Variants in ADAMTS12 observed in about 807,000 individuals in gnomAD.
The protein encoded by ADAMTS12 is A disintegrin and metalloproteinase with thrombospondin motifs 12.
Under a neutral mutation model 167.8 loss-of-function variants are expected in ADAMTS12, and 118 were observed. The observed-to-expected ratio is 0.70, with a 90% CI of 0.61 to 0.82. ADAMTS12 has a LOEUF of 0.82. Ranked by LOEUF, ADAMTS12 falls within the 40% of genes least tolerant of loss-of-function variation. The pLI is 0.00. For synonymous variants in ADAMTS12, 704 were observed against 716.9 expected (o/e 0.98, Z 0.29); for missense variants, 1,916 against 1,998.8 (o/e 0.96, Z 0.79).
At chr5:33,566,790 C>T (rs1746036695) in intron 19 of ADAMTS12, among the ~76,000 whole-genome samples, 1 of 152,148 alleles carries the variant, frequency 6.6e-6, no homozygotes, top group South Asian at 2.1e-4. Flanking sequence ...TTTGGTTTGG[C>T]CATGAGACCT....
At chr5:33,632,412 C>CAAACAAACAAACAAACAAAA (rs2112149756) in intron 12 of ADAMTS12, among the ~76,000 whole-genome samples, 1 of 151,994 alleles carries the variant, frequency 6.6e-6, no homozygotes, top group East Asian at 1.9e-4. Flanking sequence ...AACAAACAAA[C>CAAACAAACAAACAAACAAAA]AAAAAAGCTT....
chr5:33,553,440 A>G (rs770288114), intron 20 of ADAMTS12, among the ~76,000 whole-genome samples: 1 of 152,228 alleles, frequency 6.6e-6, no homozygotes, highest in Non-Finnish European at 1.5e-5. Context: ...CACTATTCAC[A>G]ATAGCAAAGA....
intron 18 of ADAMTS12, among the ~76,000 whole-genome samples, chr5:33,586,256 T>G (rs190255561): frequency 4.3e-4 from 65 of 152,348 alleles, no homozygotes; most frequent in Non-Finnish European, 6.9e-4. Context: ...GTCAAAGACA[T>G]TTCATCATAC....
At chr5:33,537,852 A>T (rs1247712261) in intron 22 of ADAMTS12, among the ~76,000 whole-genome samples, 1 of 152,248 alleles carries the variant, frequency 6.6e-6, no homozygotes, top group African/African-American at 2.4e-5. Flanking sequence ...AGCTGGGGGC[A>T]TTATGTTGGG....
chr5:33,576,533 G>A lies in ADAMTS12; in HGVS notation c.3493C>T (p.Gln1165Ter). The change falls in exon 19 of 24, where the codon CAG becomes TAG. Residue 1165 changes from glutamine to a stop codon, truncating the protein, a stop_gained. Coordinates refer to ENST00000504830, the MANE Select transcript of ADAMTS12 (RefSeq NM_030955.4). LOFTEE classifies it high-confidence loss of function. ...TTGCTTTCATCTTTGTCCTCAGGCTGTTCTCTTTCTTCCCCTGAGCCACTG... is the reference window on the plus strand; with the variant it reads ...TTGCTTTCATCTTTGTCCTCAGGCTATTCTCTTTCTTCCCCTGAGCCACTG... ...IHSGSGEERE[Q>*]PEDKDESNPV... 2 of 1,613,610 alleles carry A rather than the reference G, an allele frequency of 1.2e-6. No homozygotes were observed. Among genetic ancestry groups the A allele is most frequent in the Non-Finnish European group, 1.7e-6 (2 of 1,179,758 alleles).
chr5:33,707,572 C>G (rs1165529111), intron 3 of ADAMTS12, among the ~76,000 whole-genome samples: 1 of 152,124 alleles, frequency 6.6e-6, no homozygotes, highest in East Asian at 1.9e-4. Flanking sequence ...GCTACAGTTA[C>G]CAAAACAGCA....
chr5:33,670,470 G>A (rs759466226), intron 5 of ADAMTS12, among the ~76,000 whole-genome samples: 45 of 152,128 alleles, frequency 3.0e-4, no homozygotes, highest in Non-Finnish European at 3.7e-4. Context: ...GGCCGGGCGC[G>A]GTGTCTCACA....
intron 17 of ADAMTS12, among the ~76,000 whole-genome samples, chr5:33,589,112 CTTTAAGCAAG>C (rs1747514378): frequency 6.6e-6 from 1 of 152,216 alleles, no homozygotes. Flanking sequence ...TGCTGTGCAA[CTTTAAGCAAG>C]TTTAAGCCTC....
At chr5:33,881,061 A>T (rs909536386) in intron 2 of ADAMTS12, 58 bp downstream of exon 2, 2 of 1,573,958 alleles carry the variant, frequency 1.3e-6, no homozygotes, top group African/African-American at 1.4e-5. Flanking sequence ...TAGTAGGTCT[A>T]CCAGCTGAGA....
At chr5:33,860,042 A>C (rs1249750939) in intron 2 of ADAMTS12, among the ~76,000 whole-genome samples, 1 of 152,204 alleles carries the variant, frequency 6.6e-6, no homozygotes, top group African/African-American at 2.4e-5. Flanking sequence ...CGATAAATCC[A>C]CAAACGTGAG....
At chr5:33,713,628 A>G (rs1288792517) in intron 3 of ADAMTS12, among the ~76,000 whole-genome samples, 1 of 152,086 alleles carries the variant, frequency 6.6e-6, no homozygotes, top group Non-Finnish European at 1.5e-5. Flanking sequence ...GACTTAAATC[A>G]GGAGATGACA....
At chr5:33,856,156 C>T (rs936972480) in intron 2 of ADAMTS12, among the ~76,000 whole-genome samples, 4 of 152,294 alleles carry the variant, frequency 2.6e-5, no homozygotes, top group Admixed American at 2.6e-4. Context: ...CACCTTGAAT[C>T]AAAGGAGAGA....
At chr5:33,605,206 T>G (rs1738376380) in intron 16 of ADAMTS12, among the ~76,000 whole-genome samples, 1 of 152,224 alleles carries the variant, frequency 6.6e-6, no homozygotes, top group Non-Finnish European at 1.5e-5. Context: ...AATCAACCAC[T>G]GAGCCGAGTC....
At chr5:33,865,100 A>C (rs1749768681) in intron 2 of ADAMTS12, among the ~76,000 whole-genome samples, 1 of 152,130 alleles carries the variant, frequency 6.6e-6, no homozygotes, top group African/African-American at 2.4e-5. Flanking sequence ...AGAAACAGAA[A>C]ATTTTCTTAA....
Position 33,588,776 on chromosome 5 carries a change from C to T in ADAMTS12, c.2688G>A (p.Ala896=), listed in dbSNP as rs201796524. The T allele has an allele frequency of 1.2e-6, 2 of 1,613,790 alleles. No homozygotes were observed. Among genetic ancestry groups the T allele is most frequent in the East Asian group, 4.5e-5 (2 of 44,878 alleles). The change falls in exon 18 of 24, where the codon GCG becomes GCA. Residue 896 remains alanine, a synonymous_variant. Transcript: ENST00000504830. ...WWAGEWEACS[A]TCGPHGEKKR... is the part of the protein sequence containing the mutation. ...TCTTCTCCCCGTGGGGCCCGCATGT[C>T]GCCGAGCATGCTTCCCACTCCCCTG...
At chr5:33,705,971 T>A (rs1164964053) in intron 3 of ADAMTS12, among the ~76,000 whole-genome samples, 1 of 152,038 alleles carries the variant, frequency 6.6e-6, no homozygotes, top group Non-Finnish European at 1.5e-5. Flanking sequence ...TGAAAGAAAC[T>A]GAAGAGGACA....
chr5:33,650,974 T>C (rs1740848796), intron 7 of ADAMTS12, among the ~76,000 whole-genome samples: 1 of 152,202 alleles, frequency 6.6e-6, no homozygotes, highest in African/African-American at 2.4e-5. Context: ...GAAGAGTCTT[T>C]GGGGGATTTG....
chr5:33,534,941 G>A lies in ADAMTS12; in HGVS notation c.4498C>T (p.Pro1500Ser). The change falls in exon 23 of 24, where the codon CCC (proline) becomes TCC (serine). Residue 1500 changes from proline (P) to serine (S), a missense_variant. Pro to Ser is a moderately conservative substitution (Grantham distance 74). Transcript: ENST00000504830. Reference protein sequence around the residue: ...GFQKRTVQCVPSEGNKTEDQD... With the variant: ...GFQKRTVQCVSSEGNKTEDQD... ...TCTTCAGTTTTATTGCCCTCTGAGG[G>A]CACACATTGGACAGTCCTCTTCTGA... The A allele has an allele frequency of 6.2e-7, 1 of 1,613,876 alleles. No individual in the cohort carries two copies. Among genetic ancestry groups the A allele is most frequent in the Non-Finnish European group, 8.5e-7 (1 of 1,179,966 alleles).
At chr5:33,604,671 G>A (rs1383284594) in intron 16 of ADAMTS12, among the ~76,000 whole-genome samples, 1 of 151,390 alleles carries the variant, frequency 6.6e-6, no homozygotes, top group East Asian at 1.9e-4. Flanking sequence ...CACTTTATCC[G>A]GTATATTGTC....
Sources: gnomAD v4.1 joint callset for allele counts (sites outside exome capture counted in the v4.1 genomes callset) on GRCh38, gnomAD v4.1.1 for gene constraint, MANE v1.5 for transcripts, NCBI Gene and HGNC (gene_info 2026-07-23, HGNC 2026-07-21) for gene names.